The following RNLS variants were observed in gnomAD, a reference collection of about 807,000 sequenced individuals.
RNLS encodes renalase.
Under a neutral mutation model 39.8 loss-of-function variants are expected in RNLS, and 39 were observed. That is an observed-to-expected ratio of 0.98 (90% CI 0.76 to 1.28). RNLS has a LOEUF of 1.28. Ranked by LOEUF, RNLS falls within the 50% of genes most tolerant of loss-of-function variation. The pLI is 0.00. For synonymous variants in RNLS, 147 were observed against 150.7 expected (o/e 0.98, Z 0.18); for missense variants, 410 against 413.3 (o/e 0.99, Z 0.07).
chr10:88,228,296 G>C, the RNLS span, among the ~76,000 whole-genome samples: 1 of 152,116 alleles, frequency 6.6e-6, no homozygotes, highest in Non-Finnish European at 1.5e-5. Context: ...TTCTCAAGAG[G>C]ACTTATGCTG....
intron 5 of RNLS, chr10:88,343,593 G>A (rs913321721): frequency 1.0e-5 from 10 of 985,054 alleles, no homozygotes; most frequent in Admixed American, 6.2e-5. Context: ...GTCCAGGGCT[G>A]GGATAATTTT....
chr10:88,219,298 A>G, the RNLS span, among the ~76,000 whole-genome samples: 1 of 152,202 alleles, frequency 6.6e-6, no homozygotes, highest in Non-Finnish European at 1.5e-5. Context: ...TCTAAATATG[A>G]TCTATTTAGT....
chr10:88,570,989 G>GTTTTTT (rs144516764), intron 4 of RNLS, among the ~76,000 whole-genome samples: 1 of 126,558 alleles, frequency 7.9e-6, no homozygotes, highest in Non-Finnish European at 1.8e-5. Flanking sequence ...TTTTTGGTTT[G>GTTTTTT]TTTTTTTTTT....
At chr10:88,257,888 G>A in the RNLS span, among the ~76,000 whole-genome samples, 1 of 152,126 alleles carries the variant, frequency 6.6e-6, no homozygotes, top group Non-Finnish European at 1.5e-5. Context: ...GAAAGGGGAA[G>A]CGCATTAACA....
In RNLS at chr10:88,512,175, A is replaced by C. The variant is rs137932543; in HGVS notation, c.526+60728T>G. On this transcript the variant is annotated intron_variant, in intron 4 of 6. Transcript: ENST00000331772. The stretch of plus-strand genomic sequence containing the variant: ...GTTGAGAAAATTCTGATACATAGAT[A>C]TCCCTCAATAGTGCCAGCTATTTGT... Among the ~76,000 whole-genome samples the C allele has an allele frequency of 9.8e-5, 15 of 152,308 alleles. No homozygotes were observed. The South Asian group carries it at 1.7e-3, about 17-fold the overall frequency.
At chr10:88,488,681 G>C (rs985883241) in intron 4 of RNLS, among the ~76,000 whole-genome samples, 1 of 150,274 alleles carries the variant, frequency 6.7e-6, no homozygotes, top group African/African-American at 2.4e-5. Context: ...AATTAAATGT[G>C]AAAAAAAAAG....
At chr10:88,393,320 A>G (rs1229741344) in intron 4 of RNLS, among the ~76,000 whole-genome samples, 2 of 152,072 alleles carry the variant, frequency 1.3e-5, no homozygotes, top group African/African-American at 4.8e-5. Context: ...AATCTCCTCA[A>G]GCTGATAAGC....
intron 4 of RNLS, among the ~76,000 whole-genome samples, chr10:88,399,291 T>C (rs1438426959): frequency 6.6e-6 from 1 of 151,960 alleles, no homozygotes; most frequent in Non-Finnish European, 1.5e-5. Context: ...CGAAGACAAC[T>C]AAAAAGAAAT....
chr10:88,252,784 T>C, the RNLS span, among the ~76,000 whole-genome samples: 2 of 152,154 alleles, frequency 1.3e-5, no homozygotes, highest in African/African-American at 2.4e-5. Context: ...ACCGGGCACA[T>C]AGTAGGTGCC....
At chr10:88,407,462 T>C (rs1423299200) in intron 4 of RNLS, among the ~76,000 whole-genome samples, 1 of 151,926 alleles carries the variant, frequency 6.6e-6, no homozygotes, top group East Asian at 1.9e-4. Flanking sequence ...AGGAGAAATT[T>C]AATAAATTAA....
intron 4 of RNLS, among the ~76,000 whole-genome samples, chr10:88,502,144 C>T (rs904698700): frequency 7.2e-5 from 11 of 152,008 alleles, no homozygotes; most frequent in African/African-American, 2.7e-4. Flanking sequence ...CCCAGGGGTA[C>T]TTGTTTAAAA....
chr10:88,408,436 T>C (rs1378057406), intron 4 of RNLS, among the ~76,000 whole-genome samples: 1 of 151,976 alleles, frequency 6.6e-6, no homozygotes, highest in African/African-American at 2.4e-5. Flanking sequence ...AATGAATAAG[T>C]TTAGTGCCCT....
the RNLS span, among the ~76,000 whole-genome samples, chr10:88,207,160 G>A: frequency 6.6e-6 from 1 of 152,166 alleles, no homozygotes; most frequent in Non-Finnish European, 1.5e-5. Context: ...CATGATCCGT[G>A]AAAGAGAAAC....
intron 5 of RNLS, among the ~76,000 whole-genome samples, chr10:88,328,965 A>G (rs1413384882): frequency 2.0e-5 from 3 of 152,096 alleles, no homozygotes; most frequent in Non-Finnish European, 2.9e-5. Context: ...TGTGAAATAT[A>G]ATTTTTCTTG....
At chr10:88,331,592 G>A (rs1436350771) in intron 5 of RNLS, among the ~76,000 whole-genome samples, 1 of 152,136 alleles carries the variant, frequency 6.6e-6, no homozygotes, top group African/African-American at 2.4e-5. Context: ...GCAAATGAAC[G>A]TTCTAAGTAA....
intron 4 of RNLS, among the ~76,000 whole-genome samples, chr10:88,458,743 A>C (rs1430395738): frequency 1.3e-5 from 2 of 152,178 alleles, no homozygotes; most frequent in Non-Finnish European, 2.9e-5. Flanking sequence ...GGATTATGTC[A>C]GGAAAAAAAA....
At chr10:88,291,004 G>A (rs1045438437) in intron 6 of RNLS, among the ~76,000 whole-genome samples, 8 of 152,132 alleles carry the variant, frequency 5.3e-5, no homozygotes, top group African/African-American at 1.9e-4. Flanking sequence ...AGAAGTTACA[G>A]CTGCCCACTC....
At chr10:88,298,258 T>C (rs1287150117) in intron 6 of RNLS, among the ~76,000 whole-genome samples, 1 of 152,154 alleles carries the variant, frequency 6.6e-6, no homozygotes, top group Non-Finnish European at 1.5e-5. Flanking sequence ...ATGTGACTCA[T>C]AAATATTTTC....
At chr10:88,490,464 C>T (rs923927171) in intron 4 of RNLS, among the ~76,000 whole-genome samples, 3 of 152,046 alleles carry the variant, frequency 2.0e-5, no homozygotes, top group Non-Finnish European at 2.9e-5. Flanking sequence ...AATTACTAAA[C>T]GAAATCAGAT....
Sources: allele counts gnomAD v4.1 joint callset (sites outside exome capture counted in the v4.1 genomes callset), GRCh38; gene constraint gnomAD v4.1.1; transcripts MANE v1.5; gene names NCBI Gene and HGNC (gene_info 2026-07-23, HGNC 2026-07-21).